MYO5B: variants seen among roughly 807,000 people sequenced by gnomAD.
MYO5B encodes unconventional myosin-Vb.
In MYO5B, 143 loss-of-function variants were observed where a neutral mutation model predicts 229.3. The observed-to-expected ratio is 0.62, with a 90% CI of 0.54 to 0.72. The LOEUF is 0.72. Ranked by LOEUF, MYO5B falls within the 30% of genes least tolerant of loss-of-function variation. The pLI is 0.00. For missense variants in MYO5B, 2,321 were observed against 2,331.0 expected (o/e 1.00, Z 0.09); for synonymous variants, 918 against 885.2 (o/e 1.04, Z -0.66).
intron 1 of MYO5B, among the ~76,000 whole-genome samples, chr18:50,092,148 A>G (rs1030505243): frequency 1.3e-5 from 2 of 152,334 alleles, no homozygotes; most frequent in Middle Eastern, 3.4e-3. Context: ...GCAGAAACAA[A>G]GAAGAATCCA....
chr18:50,185,760 T>TA (rs2033139530), intron 1 of MYO5B, among the ~76,000 whole-genome samples: 9 of 152,236 alleles, frequency 5.9e-5, no homozygotes, highest in Non-Finnish European at 7.3e-5. Flanking sequence ...TGGCATCAGA[T>TA]CTTGGCAATT....
At chr18:50,154,622 C>A (rs1266843936) in intron 1 of MYO5B, among the ~76,000 whole-genome samples, 1 of 152,206 alleles carries the variant, frequency 6.6e-6, no homozygotes, top group East Asian at 1.9e-4. Context: ...ACCATGAGGG[C>A]ATTTAGTGCA....
chr18:50,040,075 G>C (rs75267630), intron 3 of MYO5B, 68 bp downstream of exon 3: 10 of 1,517,030 alleles, frequency 6.6e-6, no homozygotes, highest in Non-Finnish European at 9.2e-6. Flanking sequence ...CTAAGCATTT[G>C]AGTTGAGCAA....
intron 1 of MYO5B, among the ~76,000 whole-genome samples, chr18:50,158,390 C>T (rs1181726912): frequency 1.3e-5 from 2 of 152,170 alleles, no homozygotes; most frequent in East Asian, 3.9e-4. Context: ...GGTGAGCCTC[C>T]ATTCCCTATT....
chr18:49,843,737 C>G (rs2024091327), intron 33 of MYO5B, among the ~76,000 whole-genome samples: 1 of 152,178 alleles, frequency 6.6e-6, no homozygotes, highest in African/African-American at 2.4e-5. Flanking sequence ...CAACAGGGGC[C>G]CATGGCAAGT....
intron 38 of MYO5B, among the ~76,000 whole-genome samples, chr18:49,835,673 C>A (rs1017133868): frequency 1.3e-5 from 2 of 152,180 alleles, no homozygotes; most frequent in Non-Finnish European, 2.9e-5. Context: ...TGCCCCTCCC[C>A]ACTATGCTCA....
At chr18:50,102,391 G>A (rs1210293816) in intron 1 of MYO5B, among the ~76,000 whole-genome samples, 1 of 151,820 alleles carries the variant, frequency 6.6e-6, no homozygotes, top group Non-Finnish European at 1.5e-5. Context: ...TTAACTCTTA[G>A]AAAAGGAAGA....
chr18:49,833,097 AGAAAT>A (rs1400474646), intron 39 of MYO5B, among the ~76,000 whole-genome samples: 1 of 152,242 alleles, frequency 6.6e-6, no homozygotes, highest in Non-Finnish European at 1.5e-5. Flanking sequence ...AAGGGTTTGA[AGAAAT>A]TTTAGAGAGT....
At chr18:50,027,776 C>G (rs2144368299) in intron 4 of MYO5B, among the ~76,000 whole-genome samples, 1 of 152,338 alleles carries the variant, frequency 6.6e-6, no homozygotes, top group South Asian at 2.1e-4. Flanking sequence ...CTCGTTACAT[C>G]TGCAGTGCAT....
At chr18:50,145,731 G>A (rs1568123899) in intron 1 of MYO5B, among the ~76,000 whole-genome samples, 1 of 152,088 alleles carries the variant, frequency 6.6e-6, no homozygotes, top group Admixed American at 6.5e-5. Flanking sequence ...GGTTGGAACT[G>A]AACCTACCAC....
chr18:49,968,206 T>C (rs1031105914), intron 10 of MYO5B, among the ~76,000 whole-genome samples: 4 of 152,116 alleles, frequency 2.6e-5, no homozygotes, highest in African/African-American at 9.7e-5. Flanking sequence ...AATGAGGCCA[T>C]AGTGTTCCCA....
intron 13 of MYO5B, among the ~76,000 whole-genome samples, chr18:49,953,776 G>C (rs1239060693): frequency 1.3e-5 from 2 of 152,118 alleles, no homozygotes; most frequent in African/African-American, 4.8e-5. Context: ...CTGAAGAGCA[G>C]CTACACAGGC....
chr18:49,990,696 T>C (rs904721378), intron 6 of MYO5B, among the ~76,000 whole-genome samples, 176 bp from the exon 7 acceptor site: 2 of 152,196 alleles, frequency 1.3e-5, no homozygotes, highest in African/African-American at 4.8e-5. Flanking sequence ...TATTCACTCT[T>C]ATGGGGACTT....
intron 32 of MYO5B, among the ~76,000 whole-genome samples, chr18:49,848,810 G>A (rs2024163466): frequency 6.6e-6 from 1 of 152,018 alleles, no homozygotes; most frequent in African/African-American, 2.4e-5. Flanking sequence ...ATGAAGAGAA[G>A]TGTCCCCCTG....
intron 39 of MYO5B, among the ~76,000 whole-genome samples, chr18:49,829,168 T>G (rs1013148461): frequency 1.3e-5 from 2 of 151,118 alleles, no homozygotes; most frequent in Non-Finnish European, 2.9e-5. Flanking sequence ...AATCTCCGCC[T>G]CCCAGGTTCA....
At chr18:49,905,364 G>A (rs926458301) in intron 19 of MYO5B, among the ~76,000 whole-genome samples, 7 of 152,112 alleles carry the variant, frequency 4.6e-5, no homozygotes, top group African/African-American at 1.4e-4. Flanking sequence ...TGCATGGAAT[G>A]TGGCCATTTC....
At chr18:50,156,223 T>C (rs2032676166) in intron 1 of MYO5B, among the ~76,000 whole-genome samples, 1 of 152,224 alleles carries the variant, frequency 6.6e-6, no homozygotes, top group Non-Finnish European at 1.5e-5. Flanking sequence ...ACCTCTCCTA[T>C]GCCATTTTCA....
rs2144411680 is a variant in MYO5B at position 50,052,120 on chromosome 18, G to A, written c.138+3148C>T. ...ACACTGCTGGTGGGACTGTAAACTA[G>A]TTCGACCATTGTGGAAGTCAGTGTG... On this transcript the variant is annotated intron_variant, in intron 2 of 39. Coordinates refer to ENST00000285039, the MANE Select transcript of MYO5B (RefSeq NM_001080467.3). Among the ~76,000 whole-genome samples the A allele has an allele frequency of 1.3e-5, 2 of 152,278 alleles. 1 individual carries two copies. Among genetic ancestry groups the A allele is most frequent in the South Asian group, 4.2e-4 (2 of 4,816 alleles).
chr18:49,992,173 TCAATTCCAGGCTCA>T, intron 6 of MYO5B, 101 bp downstream of exon 6: 1 of 1,410,276 alleles, frequency 7.1e-7, no homozygotes, highest in Non-Finnish European at 1.0e-6. Flanking sequence ...ACAACTACAT[TCAATTCCAGGCTCA>T]CAAGAGAGAT....
Sources: gnomAD v4.1 joint callset for allele counts (sites outside exome capture counted in the v4.1 genomes callset) on GRCh38, gnomAD v4.1.1 for gene constraint, MANE v1.5 for transcripts, NCBI Gene and HGNC (gene_info 2026-07-23, HGNC 2026-07-21) for gene names.